SFT2D1: variants seen among roughly 807,000 people sequenced by gnomAD.
SFT2D1 encodes the protein SFT2 domain containing 1.
Under a neutral mutation model 28.1 loss-of-function variants are expected in SFT2D1, and 24 were observed. The observed-to-expected ratio is 0.85, with a 90% confidence interval of 0.62 to 1.20. SFT2D1 has a LOEUF of 1.20. Among genes scored for constraint, SFT2D1 ranks in the 50% most tolerant of loss-of-function variants. SFT2D1 has a pLI of 0.00. For synonymous variants in SFT2D1, 82 were observed against 73.7 expected (o/e 1.11, Z -0.58); for missense variants, 181 against 190.9 (o/e 0.95, Z 0.31).
chr6:166,341,104 C>A (rs1273025384), intron 1 of SFT2D1, among the ~76,000 whole-genome samples: 1 of 152,146 alleles, frequency 6.6e-6, no homozygotes, highest in Non-Finnish European at 1.5e-5. Context: ...AATGTGGTTG[C>A]TGTGACTAAG....
At chr6:166,331,139 T>G (rs1272392419) in intron 1 of SFT2D1, among the ~76,000 whole-genome samples, 1 of 152,152 alleles carries the variant, frequency 6.6e-6, no homozygotes, top group South Asian at 2.1e-4. Flanking sequence ...ATAAACACAC[T>G]CAGATTACTA....
chr6:166,326,179 G>A lies in SFT2D1; in HGVS notation c.316-12C>T, dbSNP rs181038956. 22 of 1,611,470 alleles carry A rather than the reference G, an allele frequency of 1.4e-5. No individual in the cohort carries two copies. The highest frequency in any genetic ancestry group is 1.2e-4 in the Admixed American group (7 of 59,742). ...AATATGAAACACAACTACAGGGGAA[G>A]AAAGAGTAGATTATAAGTTTGAGAT... is the stretch of plus-strand genomic sequence containing the variant. On this transcript the variant is annotated splice_polypyrimidine_tract_variant and intron_variant, in intron 4 of 7. Coordinates refer to ENST00000361731, the MANE Select transcript of SFT2D1 (RefSeq NM_145169.3).
At chr6:166,320,368 C>T in intron 7 of SFT2D1, 112 bp from the exon 8 acceptor site, 1 of 754,474 alleles carries the variant, frequency 1.3e-6, no homozygotes, top group Non-Finnish European at 2.2e-6. Flanking sequence ...GATGCTCCAA[C>T]ACACTTTTTG....
intron 1 of SFT2D1, among the ~76,000 whole-genome samples, chr6:166,340,147 A>C (rs953658227): frequency 5.3e-5 from 8 of 152,120 alleles, no homozygotes; most frequent in African/African-American, 1.9e-4. Context: ...GAATCTGACC[A>C]CTTTTTTGTT....
intron 7 of SFT2D1, 28 bp from the exon 8 acceptor site, chr6:166,320,284 GAATAT>G: frequency 6.3e-7 from 1 of 1,596,454 alleles, no homozygotes; most frequent in Non-Finnish European, 8.6e-7. Context: ...GAAAAAAACA[GAATAT>G]AATATTCCTC....
chr6:166,323,450 G>C (rs1017261749), intron 6 of SFT2D1: 3 of 152,206 alleles, frequency 2.0e-5, no homozygotes, highest in African/African-American at 7.2e-5. Context: ...TCGAGTAAGA[G>C]GAATGTAAAA....
At chr6:166,322,746 C>T in intron 7 of SFT2D1, 111 bp downstream of exon 7, 2 of 559,834 alleles carry the variant, frequency 3.6e-6, no homozygotes, top group East Asian at 4.4e-5. Flanking sequence ...TTAAAATCAA[C>T]CAAAAAAAAA....
intron 4 of SFT2D1, 38 bp from the exon 5 acceptor site, chr6:166,326,205 C>A (rs757815873): frequency 1.0e-5 from 16 of 1,570,566 alleles, no homozygotes; most frequent in Non-Finnish European, 1.4e-5. Context: ...AGTTTGAGAT[C>A]CTTTCAAAAG....
At chr6:166,324,753 C>A (rs1043674865) in intron 5 of SFT2D1, 158 bp from the exon 6 acceptor site, 6 of 650,598 alleles carry the variant, frequency 9.2e-6, no homozygotes, top group East Asian at 8.6e-5. Flanking sequence ...TGATCTGAAA[C>A]TTTAAAACCC....
intron 2 of SFT2D1, among the ~76,000 whole-genome samples, 198 bp downstream of exon 2, chr6:166,329,963 A>G (rs528847565): frequency 2.6e-4 from 40 of 152,166 alleles, no homozygotes; most frequent in Non-Finnish European, 4.6e-4. Context: ...AATTATTTCA[A>G]CTATCCACAA....
chr6:166,333,068 A>G (rs570710836), intron 1 of SFT2D1, among the ~76,000 whole-genome samples: 3 of 152,362 alleles, frequency 2.0e-5, no homozygotes, highest in Non-Finnish European at 4.4e-5. Flanking sequence ...CTTTCCACTA[A>G]TGATGACACT....
chr6:166,326,244 A>G, intron 4 of SFT2D1, 77 bp from the exon 5 acceptor site: 1 of 1,201,370 alleles, frequency 8.3e-7, no homozygotes, highest in Non-Finnish European at 1.2e-6. Flanking sequence ...ACTATTCTGC[A>G]TTCATTTACA....
rs80172274 is a variant in SFT2D1 at position 166,320,172 on chromosome 6, T to G, written c.*45A>C. On this transcript the variant is annotated 3_prime_UTR_variant, in exon 8 of 8. Transcript: ENST00000361731. The stretch of plus-strand genomic sequence containing the variant: ...GGGGAAAAGCAAACTTCACCAAACA[T>G]AGAGTACCAACATTCAAGTGCTCTT... 3.2e-3 allele frequency: 5,090 copies of G among 1,589,192 alleles called. 19 individuals are homozygous for G. Among genetic ancestry groups the G allele is most frequent in the South Asian group, 4.2e-3 (371 of 88,904 alleles).
At chr6:166,331,618 G>A (rs1178576493) in intron 1 of SFT2D1, among the ~76,000 whole-genome samples, 2 of 152,054 alleles carry the variant, frequency 1.3e-5, no homozygotes, top group Non-Finnish European at 2.9e-5. Context: ...TACTGATCAG[G>A]AAGAATATAC....
intron 7 of SFT2D1, among the ~76,000 whole-genome samples, chr6:166,320,956 T>G (rs1305840537): frequency 6.6e-6 from 1 of 152,150 alleles, no homozygotes; most frequent in Non-Finnish European, 1.5e-5. Flanking sequence ...AACACAAAAA[T>G]TAGCTGGGCG....
At chr6:166,340,700 G>A (rs1778760962) in intron 1 of SFT2D1, among the ~76,000 whole-genome samples, 1 of 147,568 alleles carries the variant, frequency 6.8e-6, no homozygotes, top group Admixed American at 6.7e-5. Context: ...TTCTGTGGCT[G>A]TCTGACACAT....
chr6:166,337,113 A>C (rs1778670347), intron 1 of SFT2D1, among the ~76,000 whole-genome samples: 3 of 152,204 alleles, frequency 2.0e-5, no homozygotes, highest in Admixed American at 6.5e-5. Context: ...CAGCCCAGGC[A>C]GTGTAGCCCC....
At position 166,322,904 on chromosome 6, in the gene SFT2D1, G is replaced by A. The variant is rs753847771; in HGVS notation, c.411-18C>T. ...GGCTATACCTGCAAGAAATATTCAA[G>A]CATGTTGAATCTTCATCTGAATGAT... is the stretch of plus-strand genomic sequence containing the variant. On this transcript the variant is annotated intron_variant, in intron 6 of 7. Coordinates refer to ENST00000361731, the MANE Select transcript of SFT2D1 (RefSeq NM_145169.3). The A allele has an allele frequency of 6.9e-6, 11 of 1,604,308 alleles. No homozygotes were observed. The highest frequency in any genetic ancestry group is 8.5e-6 in the Non-Finnish European group (10 of 1,172,054).
intron 1 of SFT2D1, 137 bp downstream of exon 1, chr6:166,342,282 G>A (rs772636975): frequency 3.0e-6 from 2 of 668,078 alleles, no homozygotes; most frequent in Non-Finnish European, 4.7e-6. Context: ...AGCAGGCGGA[G>A]CCCTCCTAAA....
Sources: gnomAD v4.1 joint callset for allele counts (sites outside exome capture counted in the v4.1 genomes callset) on GRCh38, gnomAD v4.1.1 for gene constraint, MANE v1.5 for transcripts, NCBI Gene and HGNC (gene_info 2026-07-23, HGNC 2026-07-21) for gene names.